Variants in EPC2 observed in about 807,000 individuals in gnomAD.
The protein encoded by EPC2 is enhancer of polycomb homolog 2.
EPC2 carries 14 observed loss-of-function variants against 92.1 expected under a neutral mutation model. The ratio of observed to expected loss-of-function variants is 0.15; its 90% CI spans 0.10 to 0.24. The LOEUF (loss-of-function observed/expected upper bound fraction) is 0.24, where lower values mean the gene tolerates loss of function less well. EPC2 is among the 10% of genes least tolerant of loss of function. The probability of loss-of-function intolerance (pLI) is 1.00; values close to 1 mark genes in which losing one functional copy is unlikely to be tolerated. For synonymous variants in EPC2, 340 were observed against 334.7 expected (o/e 1.02, Z -0.17); for missense variants, 755 against 971.5 (o/e 0.78, Z 2.96).
intron 1 of EPC2, among the ~76,000 whole-genome samples, chr2:148,677,340 A>G (rs1574576110): frequency 6.6e-6 from 1 of 152,326 alleles, no homozygotes; most frequent in Non-Finnish European, 1.5e-5. Context: ...CTTAACAAGA[A>G]GAGAGTCATC....
chr2:148,762,256 G>A (rs1187704190), intron 5 of EPC2: 1 of 186,484 alleles, frequency 5.4e-6, no homozygotes, highest in East Asian at 1.5e-4. Context: ...TTAAATCTGA[G>A]GGAAATAAGT....
chr2:148,780,856 A>G (rs1436841147), intron 10 of EPC2, among the ~76,000 whole-genome samples: 1 of 152,188 alleles, frequency 6.6e-6, no homozygotes, highest in East Asian at 1.9e-4. Flanking sequence ...TCAACTTATC[A>G]GTGATCTACT....
chr2:148,691,295 C>T (rs1350430488), intron 2 of EPC2, among the ~76,000 whole-genome samples: 2 of 152,114 alleles, frequency 1.3e-5, no homozygotes, highest in Admixed American at 6.6e-5. Context: ...GTTATCTTGT[C>T]AGGTGTGTAA....
chr2:148,727,793 T>C (rs1001054263), intron 2 of EPC2, among the ~76,000 whole-genome samples: 2 of 152,200 alleles, frequency 1.3e-5, no homozygotes, highest in Non-Finnish European at 2.9e-5. Context: ...AAATTATCTT[T>C]AGATTCACAA....
At chr2:148,665,385 A>G (rs960359605) in intron 1 of EPC2, among the ~76,000 whole-genome samples, 2 of 152,178 alleles carry the variant, frequency 1.3e-5, no homozygotes, top group African/African-American at 2.4e-5. Flanking sequence ...TACTACTGTC[A>G]TTTCCAGTCT....
chr2:148,741,799 AACAAT>A (rs1347081897), intron 2 of EPC2, among the ~76,000 whole-genome samples: 2 of 152,200 alleles, frequency 1.3e-5, no homozygotes, highest in Non-Finnish European at 2.9e-5. Flanking sequence ...TAAAATGTCA[AACAAT>A]ACAAATGGGA....
rs756185125 is a variant in EPC2 at position 148,690,310 on chromosome 2, A to G, written c.250A>G (p.Asn84Asp). Residue 84 changes from asparagine to aspartate, a missense_variant, in exon 2 of 14, where the codon AAC (asparagine) becomes GAC (aspartate). Physicochemically the swap from Asn to Asp is conservative, Grantham distance 23 (BLOSUM62 1). Coordinates refer to ENST00000258484, the MANE Select transcript of EPC2 (RefSeq NM_015630.4). ...IPVPEAESNVNYYNRLYKGEF... is the reference protein window; with the variant it reads ...IPVPEAESNVDYYNRLYKGEF... ...TGTTCCTGAGGCAGAGAGCAACGTC[A>G]ACTATTACAATCGCTTGTACAAAGG... 2.5e-6 allele frequency: 4 copies of G among 1,612,812 alleles called. No homozygotes were observed. Among genetic ancestry groups the G allele is most frequent in the Non-Finnish European group, 3.4e-6 (4 of 1,179,524 alleles).
At chr2:148,691,824 G>A (rs919980014) in intron 2 of EPC2, 29 of 669,840 alleles carry the variant, frequency 4.3e-5, no homozygotes, top group Non-Finnish European at 5.6e-5. Context: ...TTTCTGCATG[G>A]CTAATTTATT....
intron 1 of EPC2, among the ~76,000 whole-genome samples, chr2:148,653,877 C>G (rs547805873): frequency 6.6e-6 from 1 of 151,828 alleles, no homozygotes. Context: ...ATTACTTAAC[C>G]TCATTGAGCC....
chr2:148,735,687 T>C (rs1160391298), intron 2 of EPC2, among the ~76,000 whole-genome samples: 2 of 151,930 alleles, frequency 1.3e-5, no homozygotes, highest in African/African-American at 2.4e-5. Context: ...AGCATAGTTA[T>C]AATATTATCT....
intron 2 of EPC2, among the ~76,000 whole-genome samples, chr2:148,742,385 C>T (rs1403566823): frequency 6.6e-6 from 1 of 152,128 alleles, no homozygotes; most frequent in Non-Finnish European, 1.5e-5. Context: ...TGAGTGAAAC[C>T]TATTGTCTTA....
At chr2:148,666,469 T>G (rs886302346) in intron 1 of EPC2, among the ~76,000 whole-genome samples, 1 of 152,236 alleles carries the variant, frequency 6.6e-6, no homozygotes. Context: ...AAAAAATTTT[T>G]AATTTATTGC....
intron 10 of EPC2, among the ~76,000 whole-genome samples, chr2:148,771,802 ATT>A (rs201766598): frequency 1.4e-5 from 2 of 144,794 alleles, no homozygotes; most frequent in Non-Finnish European, 1.5e-5. Flanking sequence ...CCTGTGAATA[ATT>A]TTTTTTTTTT....
chr2:148,691,594 A>G, intron 2 of EPC2: 1 of 1,550,472 alleles, frequency 6.4e-7, no homozygotes, highest in Admixed American at 2.0e-5. Context: ...TGTTCTTCTA[A>G]AGAGAATTTT....
At position 148,743,641 on chromosome 2, in the gene EPC2, G is replaced by A. The variant is rs778714435; in HGVS notation, c.333G>A (p.Glu111=). Residue 111 remains glutamate, a synonymous_variant, in exon 3 of 14, where the codon GAG becomes GAA. Coordinates refer to ENST00000258484, the MANE Select transcript of EPC2 (RefSeq NM_015630.4). ...TTCTAGCTTTTAATCTAGACAACGA[G>A]CAACCAGATTATGATATGGATTCAG... is the stretch of plus-strand genomic sequence containing the variant. The part of the protein sequence containing the change: ...IHIQPFNLDN[E]QPDYDMDSED... The A allele has an allele frequency of 6.3e-7, 1 of 1,582,234 alleles. No homozygotes were observed. The highest frequency in any genetic ancestry group is 8.6e-7 in the Non-Finnish European group (1 of 1,168,504).
At chr2:148,710,220 T>C (rs1214440005) in intron 2 of EPC2, among the ~76,000 whole-genome samples, 1 of 152,214 alleles carries the variant, frequency 6.6e-6, no homozygotes. Context: ...AAAGAAGATA[T>C]TTATGCAGCC....
chr2:148,676,133 T>C (rs939475630), intron 1 of EPC2, among the ~76,000 whole-genome samples: 2 of 152,104 alleles, frequency 1.3e-5, no homozygotes, highest in Admixed American at 1.3e-4. Context: ...CTTAGTTTTT[T>C]TTTTTTTAAA....
chr2:148,665,006 A>G (rs1025854220), intron 1 of EPC2, among the ~76,000 whole-genome samples: 1 of 152,288 alleles, frequency 6.6e-6, no homozygotes, highest in South Asian at 2.1e-4. Flanking sequence ...GGATCAAACC[A>G]TTTTTCAGAG....
At chr2:148,717,827 T>C (rs2105388540) in intron 2 of EPC2, among the ~76,000 whole-genome samples, 1 of 152,320 alleles carries the variant, frequency 6.6e-6, no homozygotes, top group Admixed American at 6.5e-5. Flanking sequence ...ATGATCTGTC[T>C]AATATTGTCA....
Sources: allele counts gnomAD v4.1 joint callset (sites outside exome capture counted in the v4.1 genomes callset), GRCh38; gene constraint gnomAD v4.1.1; transcripts MANE v1.5; gene names NCBI Gene and HGNC (gene_info 2026-07-23, HGNC 2026-07-21).